SMYD3: variants seen among roughly 807,000 people sequenced by gnomAD.
SMYD3 encodes histone-lysine N-methyltransferase SMYD3.
Under a neutral mutation model 57.7 loss-of-function variants are expected in SMYD3, and 36 were observed. That is an observed-to-expected ratio of 0.62 (90% CI 0.48 to 0.82). The LOEUF (loss-of-function observed/expected upper bound fraction) is 0.82. Ranked by LOEUF, SMYD3 falls within the 40% of genes least tolerant of loss-of-function variation. The pLI, the probability that SMYD3 is intolerant of heterozygous loss-of-function variation, is 0.00. For synonymous variants in SMYD3, 211 were observed against 195.0 expected (o/e 1.08, Z -0.68); for missense variants, 515 against 538.8 (o/e 0.96, Z 0.44).
At chr1:245,803,329 G>A (rs1169074804) in intron 10 of SMYD3, among the ~76,000 whole-genome samples, 2 of 152,148 alleles carry the variant, frequency 1.3e-5, no homozygotes, top group South Asian at 2.1e-4. Flanking sequence ...ATTAATTTAT[G>A]CAAAGCTTTC....
chr1:246,014,255 G>T (rs950054528), intron 5 of SMYD3, among the ~76,000 whole-genome samples: 1 of 152,220 alleles, frequency 6.6e-6, no homozygotes, highest in African/African-American at 2.4e-5. Context: ...CCAGGAGGTG[G>T]AGATTGCAGT....
chr1:246,069,828 G>C (rs1212318507), intron 5 of SMYD3, among the ~76,000 whole-genome samples: 1 of 152,194 alleles, frequency 6.6e-6, no homozygotes, highest in Non-Finnish European at 1.5e-5. Flanking sequence ...CAGGACGAAT[G>C]AGACTGTTGT....
chr1:246,134,953 T>G (rs2061645806), intron 5 of SMYD3, among the ~76,000 whole-genome samples: 1 of 151,766 alleles, frequency 6.6e-6, no homozygotes, highest in African/African-American at 2.4e-5. Context: ...AAAAAAAACT[T>G]AGCATATATG....
rs1388487138 is a variant in SMYD3, at chr1:246,387,395, T to TGAACTTAAA, written c.165-32302_165-32301insTTTAAGTTC. On this transcript the variant is annotated intron_variant, in intron 1 of 11. Coordinates refer to ENST00000490107, the MANE Select transcript of SMYD3 (RefSeq NM_001167740.2). ...ATTTAATGTATTAAGTACCTCACAG[T>TGAACTTAAA]TGGCCCTCAACGGCATTTAAAGTGA... is the stretch of plus-strand genomic sequence containing the variant. Among the ~76,000 whole-genome samples, 4 of 152,262 alleles carry TGAACTTAAA rather than the reference T, an allele frequency of 2.6e-5. No homozygotes were observed. The South Asian group carries it at 8.3e-4, about 31-fold the overall frequency.
intron 2 of SMYD3, among the ~76,000 whole-genome samples, chr1:246,339,161 A>G (rs2065590347): frequency 6.6e-6 from 1 of 152,212 alleles, no homozygotes; most frequent in African/African-American, 2.4e-5. Context: ...AAATTACTCA[A>G]TTAAAGCCAT....
At chr1:245,793,801 C>A (rs2047406197) in intron 10 of SMYD3, among the ~76,000 whole-genome samples, 1 of 152,206 alleles carries the variant, frequency 6.6e-6, no homozygotes, top group African/African-American at 2.4e-5. Context: ...TGACCTGGTT[C>A]ATGCTTTCCT....
chr1:246,397,236 T>C (rs2066687590), intron 1 of SMYD3, among the ~76,000 whole-genome samples: 2 of 152,190 alleles, frequency 1.3e-5, no homozygotes, highest in Non-Finnish European at 2.9e-5. Context: ...CTATGAACTG[T>C]GTGTGCGAGG....
At chr1:245,790,692 C>G (rs2047231211) in intron 10 of SMYD3, among the ~76,000 whole-genome samples, 1 of 152,154 alleles carries the variant, frequency 6.6e-6, no homozygotes, top group Admixed American at 6.5e-5. Context: ...GATGAGTGTA[C>G]TCTGTGATTC....
intron 5 of SMYD3, among the ~76,000 whole-genome samples, chr1:246,241,715 T>A (rs2063614277): frequency 6.9e-6 from 1 of 145,610 alleles, no homozygotes. Flanking sequence ...TGTGAATCCA[T>A]CTGGTCCTGA....
chr1:245,952,800 C>G (rs1055101704), intron 5 of SMYD3, among the ~76,000 whole-genome samples: 1 of 152,166 alleles, frequency 6.6e-6, no homozygotes, highest in Non-Finnish European at 1.5e-5. Context: ...TCGAGCAGAA[C>G]GCTGTGAAAA....
intron 10 of SMYD3, among the ~76,000 whole-genome samples, chr1:245,798,652 G>C (rs997321303): frequency 6.6e-6 from 1 of 152,002 alleles, no homozygotes; most frequent in Non-Finnish European, 1.5e-5. Context: ...TGTACTGGAC[G>C]AGGCTGAACA....
At chr1:246,246,229 T>A (rs1340336707) in intron 5 of SMYD3, among the ~76,000 whole-genome samples, 1 of 152,202 alleles carries the variant, frequency 6.6e-6, no homozygotes, top group Non-Finnish European at 1.5e-5. Flanking sequence ...TAAAACGTTC[T>A]TCTCTTCCCC....
chr1:245,830,398 A>G (rs935571946), intron 10 of SMYD3, among the ~76,000 whole-genome samples: 2 of 152,160 alleles, frequency 1.3e-5, no homozygotes, highest in East Asian at 3.9e-4. Flanking sequence ...ATCTTGTGAA[A>G]CTTATTCACT....
rs139886501 is a variant in SMYD3 at position 246,333,089 on chromosome 1, T to C, written c.336+2278A>G. Among the ~76,000 whole-genome samples the C allele has an allele frequency of 3.3e-3, 505 of 152,332 alleles. 9 individuals carry two copies. The highest frequency in any genetic ancestry group is 0.011 in the African/African-American group (476 of 41,568). Reference sequence around the variant, plus strand: ...GACTTTAGGTTGAAGCCAGTGTTCATTTACCATTCCTAAAATGCCAGGGCC... The same window carrying C: ...GACTTTAGGTTGAAGCCAGTGTTCACTTACCATTCCTAAAATGCCAGGGCC... On this transcript the variant is annotated intron_variant, in intron 3 of 11. Transcript: ENST00000490107.
chr1:245,771,057 CACAT>C (rs1029459935), intron 10 of SMYD3, among the ~76,000 whole-genome samples: 45 of 149,880 alleles, frequency 3.0e-4, no homozygotes, highest in South Asian at 1.1e-3. Flanking sequence ...CACACACACA[CACAT>C]ACACACATAT....
chr1:246,041,035 AT>A (rs2059861884), intron 5 of SMYD3, among the ~76,000 whole-genome samples: 1 of 152,134 alleles, frequency 6.6e-6, no homozygotes, highest in Admixed American at 6.5e-5. Flanking sequence ...ATAATACTGT[AT>A]TTTTACTATT....
chr1:245,814,479 A>C, intron 10 of SMYD3: 1 of 794,898 alleles, frequency 1.3e-6, no homozygotes, highest in Non-Finnish European at 1.5e-6. Context: ...TAAAATAAAA[A>C]GAATGCTACT....
chr1:246,250,180 C>G (rs1349742402), intron 5 of SMYD3, among the ~76,000 whole-genome samples: 1 of 152,176 alleles, frequency 6.6e-6, no homozygotes, highest in East Asian at 1.9e-4. Flanking sequence ...CTTCTAAAAC[C>G]TGGCAACACT....
chr1:245,995,787 C>A (rs890222172), intron 5 of SMYD3, among the ~76,000 whole-genome samples: 1 of 152,152 alleles, frequency 6.6e-6, no homozygotes, highest in Non-Finnish European at 1.5e-5. Flanking sequence ...GACAGAGACA[C>A]ATGCAACTCC....
Sources: allele counts gnomAD v4.1 joint callset (sites outside exome capture counted in the v4.1 genomes callset), GRCh38; gene constraint gnomAD v4.1.1; transcripts MANE v1.5; gene names NCBI Gene and HGNC (gene_info 2026-07-23, HGNC 2026-07-21).